ARHGEF11: variants seen among roughly 807,000 people sequenced by gnomAD.
ARHGEF11 encodes the protein Rho guanine exchange factor (GEF) 11.
A neutral mutation model predicts 193.7 loss-of-function variants in ARHGEF11; 55 were observed. That is an observed-to-expected ratio of 0.28 (90% CI 0.23 to 0.36). The LOEUF is 0.36. ARHGEF11 is among the 10% of genes least tolerant of loss of function. The pLI is 1.00. For missense variants in ARHGEF11, 1,723 were observed against 2,005.6 expected (o/e 0.86, Z 2.69); for synonymous variants, 693 against 768.0 (o/e 0.90, Z 1.62).
At chr1:156,970,111 A>G (rs552766740) in intron 8 of ARHGEF11, 68 bp from the exon 9 acceptor site, 154 of 1,398,232 alleles carry the variant, frequency 1.1e-4, no homozygotes, top group Admixed American at 3.6e-4. Context: ...TTCTTTCACC[A>G]ATCAGTGCCT....
chr1:157,013,517 C>T (rs921983439), intron 1 of ARHGEF11, among the ~76,000 whole-genome samples: 4 of 152,074 alleles, frequency 2.6e-5, no homozygotes, highest in Non-Finnish European at 4.4e-5. Context: ...TCACACCTTC[C>T]TTTTGGCCCC....
intron 1 of ARHGEF11, among the ~76,000 whole-genome samples, chr1:156,990,203 G>A (rs1363072400): frequency 4.6e-5 from 7 of 152,204 alleles, no homozygotes; most frequent in Non-Finnish European, 5.9e-5. Flanking sequence ...ATTTTGCAGA[G>A]TCTAGGCCAG....
intron 1 of ARHGEF11, among the ~76,000 whole-genome samples, chr1:157,016,154 A>G (rs780066417): frequency 5.3e-5 from 8 of 152,214 alleles, no homozygotes; most frequent in African/African-American, 1.7e-4. Flanking sequence ...AGGCACCCAT[A>G]GCACCCATTA....
At chr1:156,969,757 A>C (rs1662256921) in intron 9 of ARHGEF11, among the ~76,000 whole-genome samples, 1 of 151,984 alleles carries the variant, frequency 6.6e-6, no homozygotes, top group Non-Finnish European at 1.5e-5. Context: ...TCTGGACCAT[A>C]CTCATTCTGG....
At chr1:156,960,832 G>A (rs1477705534) in intron 14 of ARHGEF11, among the ~76,000 whole-genome samples, 1 of 152,104 alleles carries the variant, frequency 6.6e-6, no homozygotes, top group Non-Finnish European at 1.5e-5. Context: ...TTTCCCTCCC[G>A]CTCACTCCCA....
rs1479676485 is a variant in ARHGEF11, at chr1:156,948,788, A to C, written c.1926-290T>G. 1.0e-6 allele frequency: 1 copy of C among 985,308 alleles called. No homozygotes were observed. Among genetic ancestry groups the C allele is most frequent in the African/African-American group, 1.7e-5 (1 of 57,228 alleles). 61.0% of individuals were successfully genotyped at this position (985,308 alleles called of 1,614,324 possible). A position where few individuals can be genotyped will look rare whatever the true frequency, so the allele number is the denominator to read the frequency against. On this transcript the variant is annotated intron_variant, in intron 22 of 40. Coordinates refer to ENST00000368194, the MANE Select transcript of ARHGEF11 (RefSeq NM_198236.3). The surrounding 1 kb of genome is among the most constrained non-coding windows in gnomAD (Gnocchi z 4.2). ...AACAGGAAGATGAAATCTGGGGCTA[A>C]CAGACTCTGAGTTGTAGTGTGTCCA...
At chr1:156,947,178 G>C (rs2101931312) in intron 26 of ARHGEF11, 126 bp downstream of exon 26, 1 of 1,485,974 alleles carries the variant, frequency 6.7e-7, no homozygotes, top group Non-Finnish European at 9.1e-7. Context: ...GCTGTCCACA[G>C]ATCTTTTTCT....
At chr1:156,972,837 C>G (rs951335930) in intron 7 of ARHGEF11, among the ~76,000 whole-genome samples, 1 of 152,040 alleles carries the variant, frequency 6.6e-6, no homozygotes, top group Non-Finnish European at 1.5e-5. Flanking sequence ...AAAAGTTAAC[C>G]CTCTGACTGC....
At chr1:156,960,286 G>T in intron 15 of ARHGEF11, 132 bp downstream of exon 15, 1 of 809,802 alleles carries the variant, frequency 1.2e-6, no homozygotes. Context: ...ATCATCCCAT[G>T]GGTCTTTTCC....
Position 157,044,738 on chromosome 1 carries a change from C to T in ARHGEF11, c.-408G>A. 2.5e-6 allele frequency: 1 copy of T among 394,378 alleles called. No individual in the cohort carries two copies. Among genetic ancestry groups the T allele is most frequent in the East Asian group, 3.6e-5 (1 of 27,626 alleles). 24.4% of individuals were successfully genotyped at this position (394,378 alleles called of 1,614,324 possible). A position where few individuals can be genotyped will look rare whatever the true frequency, so the allele number is the denominator to read the frequency against. On this transcript the variant is annotated 5_prime_UTR_variant, in exon 1 of 41. Transcript: ENST00000368194. ...ACTGCAAAGTACAGATAAAACCATCCTTTAAATCCAGCTTTCTCAGCTGTC... is the reference window on the plus strand; with the variant it reads ...ACTGCAAAGTACAGATAAAACCATCTTTTAAATCCAGCTTTCTCAGCTGTC...
At position 156,936,147 on chromosome 1, in the gene ARHGEF11, C is replaced by G. The variant is rs760175837; in HGVS notation, c.4631-89G>C. ...TCTAGAAAGTTCAGGCTCACGAGAA[C>G]AGATCCTTCATCACCTTCCTTCTCC... is the stretch of plus-strand genomic sequence containing the variant. On this transcript the variant is annotated intron_variant, in intron 40 of 40. Coordinates refer to ENST00000368194, the MANE Select transcript of ARHGEF11 (RefSeq NM_198236.3). 2.9e-5 allele frequency: 38 copies of G among 1,320,508 alleles called. 1 individual carries two copies. In the South Asian group the frequency reaches 4.3e-4, roughly 15 times the overall value. 81.8% of individuals were successfully genotyped at this position (1,320,508 alleles called of 1,614,324 possible).
intron 40 of ARHGEF11, among the ~76,000 whole-genome samples, chr1:156,936,480 GAAAAAAAAA>G (rs35863393): frequency 2.1e-5 from 1 of 48,018 alleles, no homozygotes; most frequent in African/African-American, 1.2e-4. Flanking sequence ...CAAATAAATA[GAAAAAAAAA>G]AAAAAAAAAT....
Position 156,981,279 on chromosome 1 carries a change from G to C in ARHGEF11, c.224-793C>G, listed in dbSNP as rs548294333. On this transcript the variant is annotated intron_variant, in intron 3 of 40. Transcript: ENST00000368194. The stretch of plus-strand genomic sequence containing the variant: ...GCTGGTCTTGAACTCCTGGGCTCAA[G>C]TGATCCTCCTGCCTTGGCTTCCCAA... Among the ~76,000 whole-genome samples, 8 of 152,196 alleles carry C rather than the reference G, an allele frequency of 5.3e-5. No individual in the cohort carries two copies. In the Middle Eastern group the frequency reaches 0.01, roughly 195 times the overall value.
intron 1 of ARHGEF11, among the ~76,000 whole-genome samples, chr1:156,991,710 A>ATTTTTTTTTTTTTTTTTTTTTTTTT (rs57140356): frequency 1.2e-5 from 1 of 83,956 alleles, no homozygotes; most frequent in Non-Finnish European, 2.3e-5. Flanking sequence ...TTTCAAGCTT[A>ATTTTTTTTTTTTTTTTTTTTTTTTT]TTTTTTTTTT....
chr1:156,986,354 C>T (rs1038227741), intron 1 of ARHGEF11, among the ~76,000 whole-genome samples, 181 bp from the exon 2 acceptor site: 1 of 152,120 alleles, frequency 6.6e-6, no homozygotes, highest in Non-Finnish European at 1.5e-5. Flanking sequence ...CACCACCTAT[C>T]TGGAATCCTG....
chr1:156,951,484 G>C (rs565645095), intron 22 of ARHGEF11, 89 bp downstream of exon 22: 1 of 1,546,008 alleles, frequency 6.5e-7, no homozygotes, highest in South Asian at 1.2e-5. Context: ...AGTGGAGAGG[G>C]GTCAAGTAGC....
chr1:156,957,701 C>T (rs753217968), intron 18 of ARHGEF11, 91 bp downstream of exon 18: 36 of 1,369,696 alleles, frequency 2.6e-5, no homozygotes, highest in Non-Finnish European at 3.8e-5. Flanking sequence ...ATGAGGGACT[C>T]CCCTGTGATT....
intron 1 of ARHGEF11, among the ~76,000 whole-genome samples, chr1:156,988,165 C>A (rs1665204968): frequency 6.6e-6 from 1 of 152,086 alleles, no homozygotes; most frequent in African/African-American, 2.4e-5. Context: ...GCTCAAATAC[C>A]CAACTGAAAA....
Position 156,944,364 on chromosome 1 carries a change from T to C in ARHGEF11, c.3061A>G (p.Thr1021Ala), listed in dbSNP as rs892887738. The C allele has an allele frequency of 6.2e-7, 1 of 1,614,078 alleles. No homozygotes were observed. Among genetic ancestry groups the C allele is most frequent in the East Asian group, 2.2e-5 (1 of 44,846 alleles). The change falls in exon 31 of 41, where the codon ACC becomes GCC. Residue 1021 changes from threonine to alanine, a missense_variant. This residue lies in a region of ARHGEF11 where 491 missense variants were observed against 654.5 expected (regional missense o/e 0.75). Transcript: ENST00000368194. ...CCAGTCCCCTGGCACATACCCAAGG[T>C]CTTATCCTTGCTGATCCTCCAGGTC... is the stretch of plus-strand genomic sequence containing the variant. ...PLTWRISKDK[T>A]LDLHVLLLED...
Sources: allele counts gnomAD v4.1 joint callset (sites outside exome capture counted in the v4.1 genomes callset), GRCh38; gene constraint gnomAD v4.1.1; regional missense constraint gnomAD v4.1.1; non-coding constraint Gnocchi (gnomAD v3.1); transcripts MANE v1.5; gene names NCBI Gene and HGNC (gene_info 2026-07-23, HGNC 2026-07-21).